Variants in ACSS3 observed in about 807,000 individuals in gnomAD.
ACSS3 encodes acyl-CoA synthetase short chain family member 3, also known as acyl-CoA synthetase short-chain family member 3, mitochondrial.
In ACSS3, 64 loss-of-function variants were observed where a neutral mutation model predicts 84.2. The observed-to-expected ratio is 0.76, with a 90% CI of 0.62 to 0.94. The LOEUF (loss-of-function observed/expected upper bound fraction) is 0.94. Ranked by LOEUF, ACSS3 falls within the 40% of genes least tolerant of loss-of-function variation. The pLI, the probability that ACSS3 is intolerant of heterozygous loss-of-function variation, is 0.00. For missense variants in ACSS3, 815 were observed against 867.6 expected, an observed-to-expected ratio of 0.94 and a Z score of 0.76; for synonymous variants, 317 against 310.1, an observed-to-expected ratio of 1.02 and a Z score of -0.23.
Position 81,135,023 on chromosome 12 carries a change from G to T in ACSS3, c.645+19G>T, listed in dbSNP as rs1187781393. 1 of 1,549,402 alleles carries T rather than the reference G, an allele frequency of 6.5e-7. No homozygotes were observed. Among genetic ancestry groups the T allele is most frequent in the African/African-American group, 1.4e-5 (1 of 73,588 alleles). ...TGTAAAGGTAAGTGCTTTATTTTGG[G>T]AAATCAAGTAGTAGCTATGTATAAT... On this transcript the variant is annotated intron_variant, in intron 3 of 15. Coordinates refer to ENST00000548058, the MANE Select transcript of ACSS3 (RefSeq NM_024560.4).
chr12:81,175,633 T>G (rs1023343657), intron 8 of ACSS3, among the ~76,000 whole-genome samples: 1 of 151,440 alleles, frequency 6.6e-6, no homozygotes, highest in Non-Finnish European at 1.5e-5. Context: ...CTCAACAAAT[T>G]AAAAAAACAT....
At chr12:81,242,377 A>G (rs1242262236) in intron 13 of ACSS3, among the ~76,000 whole-genome samples, 1 of 151,906 alleles carries the variant, frequency 6.6e-6, no homozygotes, top group Non-Finnish European at 1.5e-5. Context: ...TAGCTTACCA[A>G]CCAAAAAGAG....
intron 7 of ACSS3, among the ~76,000 whole-genome samples, chr12:81,171,213 C>T (rs2030018343): frequency 6.6e-6 from 1 of 152,024 alleles, no homozygotes; most frequent in Admixed American, 6.6e-5. Context: ...CAGTGTTGCT[C>T]ACTTTATTAT....
chr12:81,170,463 G>A (rs7296752), intron 7 of ACSS3, among the ~76,000 whole-genome samples: 98,298 of 151,948 alleles, frequency 0.65, 32,512 homozygotes, highest in Non-Finnish European at 0.73. Flanking sequence ...AAATTTTATA[G>A]TTTCTAACAG....
chr12:81,155,295 C>T (rs1195992309), intron 7 of ACSS3, among the ~76,000 whole-genome samples: 1 of 152,146 alleles, frequency 6.6e-6, no homozygotes, highest in Non-Finnish European at 1.5e-5. Context: ...GCTCTATTTT[C>T]TTATTCTGCT....
rs191591194 is a variant in ACSS3, at chr12:81,120,197, C to G, written c.456+10493C>G. On this transcript the variant is annotated intron_variant, in intron 2 of 15. Coordinates refer to ENST00000548058, the MANE Select transcript of ACSS3 (RefSeq NM_024560.4). The stretch of plus-strand genomic sequence containing the variant: ...AAAATGTGCACCCTGAGAACAAAAC[C>G]AACTGCTTTTGTTGGCTTAAGTTCT... Among the ~76,000 whole-genome samples the G allele has an allele frequency of 1.5e-3, 228 of 152,256 alleles. 2 individuals are homozygous for G. The highest frequency in any genetic ancestry group is 5.3e-3 in the African/African-American group (222 of 41,544).
At chr12:81,124,184 G>C (rs1884883616) in intron 2 of ACSS3, among the ~76,000 whole-genome samples, 1 of 152,024 alleles carries the variant, frequency 6.6e-6, no homozygotes, top group African/African-American at 2.4e-5. Context: ...TAGCCATTCT[G>C]ACTGGTGTGA....
In ACSS3 at chr12:81,191,950, C is replaced by T. The variant is rs569949660; in HGVS notation, c.1251-7391C>T. Among the ~76,000 whole-genome samples the T allele has an allele frequency of 2.0e-5, 3 of 152,224 alleles. No homozygotes were observed. The South Asian group carries it at 6.2e-4, about 32-fold the overall frequency. Reference sequence around the variant, plus strand: ...CTCTGCTAATATTCTACGTATATTTCCTGAACATATTCATCCGAGTTATAT... The same window carrying T: ...CTCTGCTAATATTCTACGTATATTTTCTGAACATATTCATCCGAGTTATAT... On this transcript the variant is annotated intron_variant, in intron 8 of 15. Coordinates refer to ENST00000548058, the MANE Select transcript of ACSS3 (RefSeq NM_024560.4).
At chr12:81,177,265 G>A (rs1446750233) in intron 8 of ACSS3, among the ~76,000 whole-genome samples, 2 of 152,112 alleles carry the variant, frequency 1.3e-5, no homozygotes, top group Non-Finnish European at 2.9e-5. Flanking sequence ...ACAAGGATGT[G>A]CACTGTCACC....
intron 2 of ACSS3, among the ~76,000 whole-genome samples, chr12:81,119,316 G>A (rs1486837769): frequency 6.6e-6 from 1 of 152,064 alleles, no homozygotes; most frequent in African/African-American, 2.4e-5. Flanking sequence ...AAGGCAAAGG[G>A]CAAAATCAAA....
intron 12 of ACSS3, 26 bp from the exon 13 acceptor site, chr12:81,233,323 C>A: frequency 6.2e-7 from 1 of 1,605,764 alleles, no homozygotes; most frequent in South Asian, 1.1e-5. Context: ...ACATGCTAAT[C>A]AAATGTTATT....
chr12:81,244,108 A>G (rs565902774), intron 13 of ACSS3, among the ~76,000 whole-genome samples: 148 of 152,224 alleles, frequency 9.7e-4, no homozygotes, highest in African/African-American at 3.3e-3. Flanking sequence ...TCCACAATAT[A>G]GCAATCTGGA....
intron 8 of ACSS3, among the ~76,000 whole-genome samples, chr12:81,176,202 G>C (rs1000246090): frequency 2.6e-5 from 4 of 152,144 alleles, no homozygotes; most frequent in African/African-American, 7.2e-5. Context: ...AAAATCCTGA[G>C]ACAATTACAA....
chr12:81,169,768 T>G (rs1017667454), intron 7 of ACSS3, among the ~76,000 whole-genome samples: 1 of 152,210 alleles, frequency 6.6e-6, no homozygotes, highest in Non-Finnish European at 1.5e-5. Flanking sequence ...CATCCCTTGA[T>G]AAAGACACAT....
chr12:81,205,254 A>T (rs532067800), intron 9 of ACSS3, among the ~76,000 whole-genome samples: 71 of 152,234 alleles, frequency 4.7e-4, no homozygotes, highest in South Asian at 1.2e-3. Flanking sequence ...ACATACCCTT[A>T]TACTATGTTA....
At chr12:81,253,228 T>A in intron 13 of ACSS3, 79 bp from the exon 14 acceptor site, 2 of 1,411,328 alleles carry the variant, frequency 1.4e-6, no homozygotes, top group Non-Finnish European at 2.0e-6. Context: ...TATATCTATA[T>A]CTGTATCTAT....
At chr12:81,119,360 T>C (rs1593078478) in intron 2 of ACSS3, among the ~76,000 whole-genome samples, 2 of 152,168 alleles carry the variant, frequency 1.3e-5, no homozygotes, top group Non-Finnish European at 2.9e-5. Context: ...CAGCTGTGCA[T>C]GTATTGTCTT....
chr12:81,109,345 G>C (rs1455975520), intron 1 of ACSS3, among the ~76,000 whole-genome samples: 1 of 151,966 alleles, frequency 6.6e-6, no homozygotes, highest in Non-Finnish European at 1.5e-5. Flanking sequence ...TATTTTTTTA[G>C]TGCACATCAA....
At chr12:81,140,940 C>T (rs950057482) in intron 4 of ACSS3, among the ~76,000 whole-genome samples, 4 of 152,208 alleles carry the variant, frequency 2.6e-5, no homozygotes, top group African/African-American at 9.6e-5. Flanking sequence ...TTAATTCTAA[C>T]AAACAAATGA....
Sources: allele counts gnomAD v4.1 joint callset (sites outside exome capture counted in the v4.1 genomes callset), GRCh38; gene constraint gnomAD v4.1.1; transcripts MANE v1.5; gene names NCBI Gene and HGNC (gene_info 2026-07-23, HGNC 2026-07-21).